MAPK12: variants seen among roughly 807,000 people sequenced by gnomAD.
The protein encoded by MAPK12 is MAP kinase 12.
Under a neutral mutation model 49.1 loss-of-function variants are expected in MAPK12, and 49 were observed. The observed-to-expected ratio is 1.00, with a 90% CI of 0.79 to 1.27. MAPK12 has a LOEUF of 1.27. Among genes scored for constraint, MAPK12 ranks in the 50% most tolerant of loss-of-function variants. The pLI is 0.00. For synonymous variants in MAPK12, 251 were observed against 209.7 expected (o/e 1.20, Z -1.70); for missense variants, 554 against 502.4 (o/e 1.10, Z -0.98).
intron 11 of MAPK12, chr22:50,253,741 T>C: frequency 1.8e-6 from 1 of 553,444 alleles, no homozygotes; most frequent in South Asian, 2.1e-5. Context: ...GCCACAGTTG[T>C]GTGGGTGGGG....
chr22:50,252,919 T>G lies in MAPK12; in HGVS notation c.*482A>C. 4 of 217,608 alleles carry G rather than the reference T, an allele frequency of 1.8e-5. No individual in the cohort carries two copies. The highest frequency in any genetic ancestry group is 1.3e-4 in the East Asian group (1 of 7,498). The allele number at this position is 217,608 out of a possible 1,614,324, so 13.5% of individuals were successfully genotyped here. On this transcript the variant is annotated 3_prime_UTR_variant, in exon 12 of 12. Coordinates refer to ENST00000215659, the MANE Select transcript of MAPK12 (RefSeq NM_002969.6). ...GCCAGAACAGGGAGCTACAAAAGGG[T>G]CTATTTCCTTCCAGCCACGCGGGCA...
chr22:50,254,922 C>T, intron 11 of MAPK12: 1 of 1,336,618 alleles, frequency 7.5e-7, no homozygotes, highest in Non-Finnish European at 9.6e-7. Context: ...CTTCCAGCTC[C>T]AGCCAGAGGT....
intron 3 of MAPK12, 68 bp from the exon 4 acceptor site, chr22:50,257,261 A>G (rs1028131985): frequency 6.1e-6 from 8 of 1,310,804 alleles, no homozygotes; most frequent in Non-Finnish European, 8.7e-6. Flanking sequence ...CCCACCCAGC[A>G]GGCCCAGGCT....
chr22:50,256,701 G>A, intron 5 of MAPK12, 55 bp from the exon 6 acceptor site: 2 of 1,571,638 alleles, frequency 1.3e-6, no homozygotes, highest in Non-Finnish European at 1.7e-6. Context: ...CATGGGCACA[G>A]CCAAGAGCCT....
intron 2 of MAPK12, among the ~76,000 whole-genome samples, chr22:50,259,830 G>T (rs1223208174): frequency 2.6e-5 from 4 of 151,926 alleles, no homozygotes; most frequent in African/African-American, 9.7e-5. Context: ...GTTGCAGTGA[G>T]CTGAGATCGT....
rs1167766165 is a variant in MAPK12, at chr22:50,257,194, C to G, written c.315-1G>C. On this transcript the variant is annotated splice_acceptor_variant, in intron 3 of 11. Coordinates refer to ENST00000215659, the MANE Select transcript of MAPK12 (RefSeq NM_002969.6). LOFTEE classifies it high-confidence loss of function. ...GCCCATGAACGGCATCACCAGGTAA[C>G]TGTGGGAGGGGCCGGAGCGCTGTCA... The G allele has an allele frequency of 6.2e-7, 1 of 1,610,772 alleles. No homozygotes were observed. The highest frequency in any genetic ancestry group is 1.1e-5 in the South Asian group (1 of 91,054).
chr22:50,254,591 G>A (rs914596877), intron 11 of MAPK12: 1 of 931,168 alleles, frequency 1.1e-6, no homozygotes, highest in African/African-American at 1.8e-5. Flanking sequence ...GACGGAGCTT[G>A]CAGTGAGTCA....
intron 2 of MAPK12, 197 bp downstream of exon 2, chr22:50,260,970 G>T (rs183420433): frequency 3.6e-6 from 2 of 554,712 alleles, no homozygotes; most frequent in Non-Finnish European, 5.8e-6. Flanking sequence ...GCGGAGGATG[G>T]GGAACGGCCC....
At chr22:50,256,282 G>T (rs1032017773) in intron 6 of MAPK12, 83 bp from the exon 7 acceptor site, 2 of 1,093,958 alleles carry the variant, frequency 1.8e-6, no homozygotes, top group African/African-American at 1.6e-5. Flanking sequence ...ACCCCGGGGG[G>T]TTGGACTTGA....
chr22:50,256,763 G>A, intron 5 of MAPK12, 117 bp from the exon 6 acceptor site: 6 of 1,519,538 alleles, frequency 3.9e-6, no homozygotes, highest in Non-Finnish European at 3.5e-6. Context: ...GCTCTCTGCA[G>A]CCCTTCAAGG....
chr22:50,253,742 G>A, intron 11 of MAPK12: 1 of 555,210 alleles, frequency 1.8e-6, no homozygotes, highest in South Asian at 2.1e-5. Flanking sequence ...CCACAGTTGT[G>A]TGGGTGGGGA....
At chr22:50,259,717 A>C (rs2065189955) in intron 2 of MAPK12, among the ~76,000 whole-genome samples, 1 of 151,674 alleles carries the variant, frequency 6.6e-6, no homozygotes, top group Non-Finnish European at 1.5e-5. Flanking sequence ...ACCTCATCTC[A>C]ACTAAAAATA....
intron 2 of MAPK12, among the ~76,000 whole-genome samples, chr22:50,259,830 G>C (rs1223208174): frequency 6.6e-6 from 1 of 151,926 alleles, no homozygotes; most frequent in Admixed American, 6.6e-5. Flanking sequence ...GTTGCAGTGA[G>C]CTGAGATCGT....
At chr22:50,256,280 G>A (rs960988334) in intron 6 of MAPK12, 81 bp from the exon 7 acceptor site, 29 of 1,105,238 alleles carry the variant, frequency 2.6e-5, no homozygotes, top group Non-Finnish European at 3.7e-5. Flanking sequence ...AGACCCCGGG[G>A]GGTTGGACTT....
intron 11 of MAPK12, chr22:50,254,904 C>G: frequency 3.1e-6 from 4 of 1,296,576 alleles, no homozygotes; most frequent in Non-Finnish European, 4.0e-6. Context: ...GAACACCCTT[C>G]CCTTCAACTT....
intron 3 of MAPK12, 157 bp downstream of exon 3, chr22:50,258,086 C>A: frequency 1.8e-6 from 1 of 558,110 alleles, no homozygotes; most frequent in East Asian, 4.6e-5. Flanking sequence ...TGGGGGAGGG[C>A]GTGGGGTGGA....
chr22:50,257,933 G>A (rs756115673), intron 3 of MAPK12: 4 of 773,612 alleles, frequency 5.2e-6, no homozygotes, highest in African/African-American at 3.4e-5. Flanking sequence ...AGGGTCCCGA[G>A]CACGGGACCT....
intron 2 of MAPK12, among the ~76,000 whole-genome samples, chr22:50,259,608 C>T (rs537634025): frequency 5.3e-5 from 8 of 152,114 alleles, no homozygotes; most frequent in Admixed American, 2.6e-4. Flanking sequence ...TGGAGCCCGG[C>T]GCGGTGGCTC....
intron 2 of MAPK12, among the ~76,000 whole-genome samples, chr22:50,258,510 T>C (rs918606492): frequency 6.6e-6 from 1 of 152,196 alleles, no homozygotes; most frequent in Non-Finnish European, 1.5e-5. Flanking sequence ...CTGGCACACA[T>C]ACCCACAGAA....
Sources: allele counts gnomAD v4.1 joint callset (sites outside exome capture counted in the v4.1 genomes callset), GRCh38; gene constraint gnomAD v4.1.1; transcripts MANE v1.5; gene names NCBI Gene and HGNC (gene_info 2026-07-23, HGNC 2026-07-21).